SEPTIN9: variants seen among roughly 807,000 people sequenced by gnomAD.
SEPTIN9 encodes the protein septin-9.
A neutral mutation model predicts 56.6 loss-of-function variants in SEPTIN9; 13 were observed. The ratio of observed to expected loss-of-function variants is 0.23; its 90% CI spans 0.15 to 0.37. SEPTIN9 has a LOEUF of 0.37. Among genes scored for constraint, SEPTIN9 ranks in the 10% least tolerant of loss-of-function variants. The probability of loss-of-function intolerance (pLI) is 1.00; values close to 1 mark genes in which losing one functional copy is unlikely to be tolerated. For synonymous variants in SEPTIN9, 332 were observed against 334.1 expected (o/e 0.99, Z 0.07); for missense variants, 650 against 823.1 (o/e 0.79, Z 2.57).
In SEPTIN9 at chr17:77,449,823, C is replaced by T. The variant is rs748494067; in HGVS notation, c.722-32321C>T. On this transcript the variant is annotated intron_variant, in intron 3 of 11. Coordinates refer to ENST00000427177, the MANE Select transcript of SEPTIN9 (RefSeq NM_001113491.2). The surrounding 1 kb of genome is among the most constrained non-coding windows in gnomAD (Gnocchi z 4.6). ...GGGGGAGCTGTATTTTCTGAGTGGC[C>T]GCACTTCCTGGCCTAGACGTGTGTG... Among the ~76,000 whole-genome samples, 5 of 152,060 alleles carry T rather than the reference C, an allele frequency of 3.3e-5. No homozygotes were observed. Among genetic ancestry groups the T allele is most frequent in the African/African-American group, 4.8e-5 (2 of 41,360 alleles).
chr17:77,337,118 A>T (rs1029392312), intron 2 of SEPTIN9, among the ~76,000 whole-genome samples: 5 of 150,922 alleles, frequency 3.3e-5, no homozygotes, highest in African/African-American at 7.3e-5. Context: ...CTCCCACCTC[A>T]GCCTCCTAAG....
At chr17:77,373,845 G>C (rs764069827) in intron 2 of SEPTIN9, 10 of 415,898 alleles carry the variant, frequency 2.4e-5, no homozygotes, top group Non-Finnish European at 3.2e-5. Context: ...ATTGTTGTTT[G>C]TGTTTGCCAA....
chr17:77,455,681 C>T (rs144475610), intron 3 of SEPTIN9, among the ~76,000 whole-genome samples: 1 of 152,244 alleles, frequency 6.6e-6, no homozygotes, highest in Admixed American at 6.5e-5. Flanking sequence ...TGCCGTCTCT[C>T]TCTCTGTCAC....
intron 2 of SEPTIN9, among the ~76,000 whole-genome samples, chr17:77,353,903 C>A (rs1374899721): frequency 6.6e-6 from 1 of 152,184 alleles, no homozygotes; most frequent in East Asian, 1.9e-4. Context: ...TGTGTGCACA[C>A]ATGTATGCAC....
intron 2 of SEPTIN9, among the ~76,000 whole-genome samples, chr17:77,343,430 A>G (rs923862201): frequency 6.6e-6 from 1 of 152,126 alleles, no homozygotes; most frequent in African/African-American, 2.4e-5. Flanking sequence ...CTTCCTTCAT[A>G]CCTTTCTTAT....
At chr17:77,351,496 A>G (rs2034063746) in intron 2 of SEPTIN9, among the ~76,000 whole-genome samples, 1 of 152,128 alleles carries the variant, frequency 6.6e-6, no homozygotes, top group African/African-American at 2.4e-5. Flanking sequence ...GGCTTGGGAG[A>G]CACGTCTGCA....
At position 77,391,810 on chromosome 17, in the gene SEPTIN9, G is replaced by T. The variant is rs114385249; in HGVS notation, c.77-10249G>T. Among the ~76,000 whole-genome samples, 1,012 of 152,298 alleles carry T rather than the reference G, an allele frequency of 6.6e-3. 13 individuals are homozygous for T. The highest frequency in any genetic ancestry group is 0.022 in the African/African-American group (932 of 41,556). On this transcript the variant is annotated intron_variant, in intron 2 of 11. Transcript: ENST00000427177. ...GGGGAAAGCTGCTGGTTCAAGCTGGGGCTGGTTCAGCTGGTGCTGGCTTGC... is the reference window on the plus strand; with the variant it reads ...GGGGAAAGCTGCTGGTTCAAGCTGGTGCTGGTTCAGCTGGTGCTGGCTTGC...
Position 77,373,475 on chromosome 17 carries a change from C to T in SEPTIN9, c.77-28584C>T, listed in dbSNP as rs761602845. On this transcript the variant is annotated intron_variant, in intron 2 of 11. Coordinates refer to ENST00000427177, the MANE Select transcript of SEPTIN9 (RefSeq NM_001113491.2). Reference sequence around the variant, plus strand: ...CGCTTCCTCGCCGCTGCCCTCCGCGCGACCCGCTGCCCACCAGCCATCATG... The same window carrying T: ...CGCTTCCTCGCCGCTGCCCTCCGCGTGACCCGCTGCCCACCAGCCATCATG... 8.2e-4 allele frequency: 1,242 copies of T among 1,523,396 alleles called. 2 individuals carry two copies. Among genetic ancestry groups the T allele is most frequent in the Admixed American group, 2.7e-3 (133 of 49,014 alleles). 94.4% of individuals were successfully genotyped at this position (1,523,396 alleles called of 1,614,324 possible).
At chr17:77,308,371 C>T (rs761612392) in intron 2 of SEPTIN9, among the ~76,000 whole-genome samples, 3 of 152,230 alleles carry the variant, frequency 2.0e-5, no homozygotes, top group African/African-American at 4.8e-5. Flanking sequence ...GGACAAGGCG[C>T]CTACGGGGGC....
chr17:77,462,409 C>CA (rs1479127672), intron 3 of SEPTIN9, among the ~76,000 whole-genome samples: 5 of 152,268 alleles, frequency 3.3e-5, no homozygotes, highest in African/African-American at 1.2e-4. Flanking sequence ...CTCAGACTCC[C>CA]AAGTAGCTGG....
chr17:77,353,792 G>A (rs941726727), intron 2 of SEPTIN9, among the ~76,000 whole-genome samples: 4 of 152,126 alleles, frequency 2.6e-5, no homozygotes, highest in South Asian at 2.1e-4. Flanking sequence ...TCCATTCATC[G>A]GAGCTCCAAC....
chr17:77,460,075 C>T (rs995854523), intron 3 of SEPTIN9, among the ~76,000 whole-genome samples: 2 of 151,544 alleles, frequency 1.3e-5, no homozygotes, highest in Admixed American at 6.6e-5. Flanking sequence ...CAAGCCCCAC[C>T]CCCCCCAGGC....
chr17:77,397,731 C>T (rs562359176), intron 2 of SEPTIN9, among the ~76,000 whole-genome samples: 26 of 152,256 alleles, frequency 1.7e-4, no homozygotes, highest in African/African-American at 6.3e-4. Flanking sequence ...CTCACTGCAA[C>T]CTCTGCCTCC....
At chr17:77,496,530 G>A (rs2040265547) in intron 10 of SEPTIN9, among the ~76,000 whole-genome samples, 1 of 152,164 alleles carries the variant, frequency 6.6e-6, no homozygotes, top group South Asian at 2.1e-4. Context: ...ACACATGCCA[G>A]GCACCGCGTG....
At position 77,499,006 on chromosome 17, in the gene SEPTIN9, G is replaced by A. The variant is rs751219717; in HGVS notation, c.*348G>A. The A allele has an allele frequency of 3.3e-5, 18 of 540,602 alleles. 1 individual carries two copies. The highest frequency in any genetic ancestry group is 2.8e-4 in the South Asian group (18 of 65,284). 33.5% of individuals were successfully genotyped at this position (540,602 alleles called of 1,614,324 possible). ...TCTGTGTGGGGTTCTCAGTGCCGGA[G>A]GCCTTGGGGTGGGGGCCAGGCCTCG... On this transcript the variant is annotated 3_prime_UTR_variant, in exon 12 of 12. Transcript: ENST00000427177.
chr17:77,416,147 ATTGT>A (rs2036498810), intron 3 of SEPTIN9, among the ~76,000 whole-genome samples: 1 of 150,002 alleles, frequency 6.7e-6, no homozygotes, highest in African/African-American at 2.5e-5. Flanking sequence ...GCTTCAAAAT[ATTGT>A]TTGATTCCTG....
chr17:77,282,817 G>A lies in SEPTIN9; in HGVS notation c.19+1263G>A, dbSNP rs542354778. Among the ~76,000 whole-genome samples, 4 of 152,312 alleles carry A rather than the reference G, an allele frequency of 2.6e-5. No homozygotes were observed. The South Asian group carries it at 8.3e-4, about 32-fold the overall frequency. ...TGGCACATGCTTGGTTTTGGCACCGGGGCTTCCTCCCCAACATGCTCCAAA... is the reference window on the plus strand; with the variant it reads ...TGGCACATGCTTGGTTTTGGCACCGAGGCTTCCTCCCCAACATGCTCCAAA... On this transcript the variant is annotated intron_variant, in intron 1 of 11. Transcript: ENST00000427177.
At chr17:77,466,489 A>T (rs1390245662) in intron 3 of SEPTIN9, 1 of 979,570 alleles carries the variant, frequency 1.0e-6, no homozygotes, top group Non-Finnish European at 1.2e-6. Flanking sequence ...AGCGTGAGCG[A>T]GCCAGGGGTC....
intron 3 of SEPTIN9, among the ~76,000 whole-genome samples, chr17:77,459,053 G>A (rs1021047730): frequency 2.0e-5 from 3 of 152,212 alleles, no homozygotes; most frequent in Non-Finnish European, 2.9e-5. Flanking sequence ...GGCAGTGAAC[G>A]GGGCCACGGT....
Sources: allele counts gnomAD v4.1 joint callset (sites outside exome capture counted in the v4.1 genomes callset), GRCh38; gene constraint gnomAD v4.1.1; non-coding constraint Gnocchi (gnomAD v3.1); transcripts MANE v1.5; gene names NCBI Gene and HGNC (gene_info 2026-07-23, HGNC 2026-07-21).